The following KIAA1328 variants were observed in gnomAD, a reference collection of about 807,000 sequenced individuals.
The protein encoded by KIAA1328 is KIAA1328.
In KIAA1328, 52 loss-of-function variants were observed where a neutral mutation model predicts 68.1. The ratio of observed to expected loss-of-function variants is 0.76; its 90% confidence interval spans 0.61 to 0.96. KIAA1328 has a LOEUF of 0.96. Among genes scored for constraint, KIAA1328 ranks in the 40% least tolerant of loss-of-function variants. KIAA1328 has a pLI of 0.00. For missense variants in KIAA1328, 641 were observed against 677.6 expected, an observed-to-expected ratio of 0.95 and a Z score of 0.60; for synonymous variants, 232 against 239.4, an observed-to-expected ratio of 0.97 and a Z score of 0.28.
At chr18:37,112,090 CG>C (rs1568420740) in intron 7 of KIAA1328, among the ~76,000 whole-genome samples, 1 of 152,180 alleles carries the variant, frequency 6.6e-6, no homozygotes, top group South Asian at 2.1e-4. Context: ...ACTCCACCTC[CG>C]GGGGCAAGGC....
chr18:36,874,365 G>A (rs1288378873), intron 4 of KIAA1328, among the ~76,000 whole-genome samples: 2 of 151,996 alleles, frequency 1.3e-5, no homozygotes, highest in East Asian at 3.9e-4. Flanking sequence ...TGACTTTTTT[G>A]TGATCGCCAT....
intron 5 of KIAA1328, among the ~76,000 whole-genome samples, chr18:36,890,234 T>C (rs2048636282): frequency 6.6e-6 from 1 of 151,242 alleles, no homozygotes; most frequent in Non-Finnish European, 1.5e-5. Flanking sequence ...TTCTTTTTTT[T>C]TTTTTAAAAA....
At chr18:37,205,722 A>G (rs183763016) in intron 9 of KIAA1328, among the ~76,000 whole-genome samples, 8 of 152,282 alleles carry the variant, frequency 5.3e-5, no homozygotes, top group South Asian at 2.1e-4. Context: ...AAATAATTTT[A>G]ATTCGGTTTT....
chr18:37,193,581 T>C (rs1201101079), intron 9 of KIAA1328: 1 of 702,448 alleles, frequency 1.4e-6, no homozygotes, highest in Non-Finnish European at 2.6e-6. Flanking sequence ...TTTAATTTAT[T>C]TATTCCTAGC....
At chr18:37,092,183 G>T (rs2057285768) in intron 7 of KIAA1328, among the ~76,000 whole-genome samples, 1 of 151,998 alleles carries the variant, frequency 6.6e-6, no homozygotes, top group Non-Finnish European at 1.5e-5. Context: ...TTCTTTAGGG[G>T]CCCGGGGATT....
At chr18:37,090,983 A>T (rs780264969) in intron 7 of KIAA1328, among the ~76,000 whole-genome samples, 2 of 152,194 alleles carry the variant, frequency 1.3e-5, no homozygotes, top group Non-Finnish European at 2.9e-5. Flanking sequence ...AATCATCAGA[A>T]GATGATGAAT....
chr18:36,895,309 A>G (rs996539308), intron 5 of KIAA1328, among the ~76,000 whole-genome samples: 17 of 152,176 alleles, frequency 1.1e-4, no homozygotes, highest in African/African-American at 3.4e-4. Flanking sequence ...TTTCAATGAC[A>G]TTTTAGAAGA....
At chr18:37,185,414 CAT>C (rs929430458) in intron 9 of KIAA1328, among the ~76,000 whole-genome samples, 20 of 151,794 alleles carry the variant, frequency 1.3e-4, no homozygotes, top group African/African-American at 3.9e-4. Context: ...AACCAAAAGA[CAT>C]AGAAAAAAAG....
intron 5 of KIAA1328, among the ~76,000 whole-genome samples, chr18:36,930,222 AT>A (rs2050262381): frequency 1.3e-5 from 2 of 152,124 alleles, no homozygotes. Context: ...TCTGCCTTTA[AT>A]GGCCTTTTCT....
chr18:36,833,880 T>G (rs1314690610), intron 1 of KIAA1328, among the ~76,000 whole-genome samples: 1 of 152,260 alleles, frequency 6.6e-6, no homozygotes, highest in African/African-American at 2.4e-5. Context: ...GTGTTTGTTC[T>G]TCAAAGCTAA....
chr18:37,204,977 G>C (rs914263382), intron 9 of KIAA1328, among the ~76,000 whole-genome samples: 1 of 151,796 alleles, frequency 6.6e-6, no homozygotes, highest in Non-Finnish European at 1.5e-5. Flanking sequence ...TGTTGTTGTT[G>C]TTGTTGTTTT....
intron 1 of KIAA1328, among the ~76,000 whole-genome samples, chr18:36,832,339 C>A (rs1485440652): frequency 2.6e-5 from 4 of 152,050 alleles, no homozygotes; most frequent in African/African-American, 9.7e-5. Flanking sequence ...GTAATCCCAG[C>A]ATTTTGGGAG....
At chr18:37,070,539 T>G (rs1408853311) in intron 7 of KIAA1328, among the ~76,000 whole-genome samples, 2 of 152,104 alleles carry the variant, frequency 1.3e-5, no homozygotes, top group Non-Finnish European at 2.9e-5. Flanking sequence ...AGATCGACCA[T>G]CTTTTCACTA....
chr18:37,106,909 T>G (rs577038686), intron 7 of KIAA1328, among the ~76,000 whole-genome samples: 2 of 152,332 alleles, frequency 1.3e-5, no homozygotes, highest in East Asian at 3.9e-4. Flanking sequence ...AAGATTTTCC[T>G]GCCACTTACC....
At chr18:36,977,715 G>A (rs1031943759) in intron 6 of KIAA1328, among the ~76,000 whole-genome samples, 1 of 152,102 alleles carries the variant, frequency 6.6e-6, no homozygotes, top group Non-Finnish European at 1.5e-5. Context: ...CCCAGGTTTA[G>A]TGATTGACAA....
At chr18:37,053,140 T>C (rs923724977) in intron 6 of KIAA1328, among the ~76,000 whole-genome samples, 3 of 151,968 alleles carry the variant, frequency 2.0e-5, no homozygotes, top group African/African-American at 7.3e-5. Flanking sequence ...AGTACAAAAA[T>C]AGACACACAG....
At chr18:37,209,478 G>T in intron 9 of KIAA1328, among the ~76,000 whole-genome samples, 1 of 152,150 alleles carries the variant, frequency 6.6e-6, no homozygotes, top group Admixed American at 6.5e-5. Context: ...ATGTGTGTGT[G>T]TGTGTGTATT....
intron 5 of KIAA1328, among the ~76,000 whole-genome samples, chr18:36,958,087 T>C (rs893201210): frequency 6.6e-6 from 1 of 152,166 alleles, no homozygotes; most frequent in African/African-American, 2.4e-5. Context: ...CTTCTTTTAC[T>C]TAGCATAATA....
chr18:37,129,763 AG>A (rs1356036443), intron 7 of KIAA1328, among the ~76,000 whole-genome samples: 1 of 152,204 alleles, frequency 6.6e-6, no homozygotes, highest in Non-Finnish European at 1.5e-5. Context: ...AGACAAACAC[AG>A]GAAAGAATTG....
Sources: allele counts gnomAD v4.1 joint callset (sites outside exome capture counted in the v4.1 genomes callset), GRCh38; gene constraint gnomAD v4.1.1; transcripts MANE v1.5; gene names NCBI Gene and HGNC (gene_info 2026-07-23, HGNC 2026-07-21).